The following CHAF1A variants were observed in gnomAD, a reference collection of about 807,000 sequenced individuals.
CHAF1A encodes CAF-1 subunit A.
A neutral mutation model predicts 93.2 loss-of-function variants in CHAF1A; 5 were observed. That is an observed-to-expected ratio of 0.05 (90% CI 0.03 to 0.11). CHAF1A has a LOEUF of 0.11. Ranked by LOEUF, CHAF1A falls within the 10% of genes least tolerant of loss-of-function variation. CHAF1A has a pLI of 1.00. For synonymous variants in CHAF1A, 504 were observed against 510.3 expected, an observed-to-expected ratio of 0.99 and a Z score of 0.17; for missense variants, 1,102 against 1,259.9, an observed-to-expected ratio of 0.87 and a Z score of 1.90.
At chr19:4,415,238 C>G (rs971328678) in intron 3 of CHAF1A, among the ~76,000 whole-genome samples, 3 of 152,158 alleles carry the variant, frequency 2.0e-5, no homozygotes, top group African/African-American at 4.8e-5. Flanking sequence ...TGTCAGACTT[C>G]AAGGTCCATC....
At chr19:4,437,993 G>A (rs1474225604) in intron 13 of CHAF1A, among the ~76,000 whole-genome samples, 3 of 152,002 alleles carry the variant, frequency 2.0e-5, no homozygotes, top group Non-Finnish European at 4.4e-5. Flanking sequence ...TGCCCGCCTC[G>A]GCCTCCCAAA....
intron 1 of CHAF1A, 57 bp from the exon 2 acceptor site, chr19:4,405,855 G>A: frequency 6.6e-7 from 1 of 1,514,924 alleles, no homozygotes; most frequent in Non-Finnish European, 9.2e-7. Flanking sequence ...ATATGTATTT[G>A]CTAACTTGAT....
intron 7 of CHAF1A, among the ~76,000 whole-genome samples, chr19:4,427,253 G>A (rs1416613100): frequency 2.1e-4 from 28 of 133,144 alleles, no homozygotes; most frequent in South Asian, 8.0e-4. Flanking sequence ...AGATCCAAAC[G>A]ATTCTCCTGC....
At chr19:4,446,342 A>T, downstream of CHAF1A, 1 of 1,570,346 alleles carries the variant, frequency 6.4e-7, no homozygotes, top group Non-Finnish European at 8.6e-7. Context: ...GTACTTGCGC[A>T]GCCCCCGCTG....
At chr19:4,440,800 T>G (rs1268345378) in intron 13 of CHAF1A, among the ~76,000 whole-genome samples, 1 of 151,126 alleles carries the variant, frequency 6.6e-6, no homozygotes, top group Non-Finnish European at 1.5e-5. Context: ...TGTAACCCAG[T>G]GGTATATGTG....
At chr19:4,424,537 C>T (rs780917709) in intron 7 of CHAF1A, among the ~76,000 whole-genome samples, 1 of 152,224 alleles carries the variant, frequency 6.6e-6, no homozygotes, top group Non-Finnish European at 1.5e-5. Context: ...AATCAAAGCT[C>T]ACCACAGCCT....
At chr19:4,403,804 A>C (rs1332089454) in intron 1 of CHAF1A, among the ~76,000 whole-genome samples, 1 of 152,252 alleles carries the variant, frequency 6.6e-6, no homozygotes, top group Non-Finnish European at 1.5e-5. Flanking sequence ...AAATTAATAT[A>C]AAGTTGGTAC....
Position 4,429,424 on chromosome 19 carries a change from G to T in CHAF1A, c.1605-14G>T, listed in dbSNP as rs749582957. Reference sequence around the variant, plus strand: ...AAGGCAGCGTGATCCTGAGCCTGGGGTTTTCCTTCTCAGTGATGTCGTCAT... The same window carrying T: ...AAGGCAGCGTGATCCTGAGCCTGGGTTTTTCCTTCTCAGTGATGTCGTCAT... On this transcript the variant is annotated splice_polypyrimidine_tract_variant and intron_variant, in intron 8 of 14. Transcript: ENST00000301280. The T allele has an allele frequency of 4.3e-6, 7 of 1,612,594 alleles. No homozygotes were observed. Among genetic ancestry groups the T allele is most frequent in the Non-Finnish European group, 3.4e-6 (4 of 1,179,416 alleles).
chr19:4,438,993 A>G (rs1290960057), intron 13 of CHAF1A, among the ~76,000 whole-genome samples: 1 of 151,852 alleles, frequency 6.6e-6, no homozygotes, highest in Non-Finnish European at 1.5e-5. Context: ...AAAAAAAAGC[A>G]TAGATGGCTG....
Position 4,429,482 on chromosome 19 carries a change from A to T in CHAF1A, c.1649A>T (p.Glu550Val), listed in dbSNP as rs1289675125. The T allele has an allele frequency of 1.5e-5, 24 of 1,613,886 alleles. No individual in the cohort carries two copies. Among genetic ancestry groups the T allele is most frequent in the Non-Finnish European group, 1.9e-5 (23 of 1,179,978 alleles). ...VERGKGDGVP[E>V]RRKFGRMKLL... ...CGTGGGAAGGGCGACGGTGTTCCCG[A>T]GAGGAGGAAGTTTGGCAGGATGAAG... The change falls in exon 9 of 15, where the codon GAG becomes GTG. Residue 550 changes from glutamate to valine, a missense_variant. Glu to Val is a moderately radical substitution (Grantham distance 121, BLOSUM62 -2). This residue lies in a region of CHAF1A where 335 missense variants were observed against 361.9 expected (regional missense o/e 0.93). Transcript: ENST00000301280.
Position 4,443,057 on chromosome 19 carries a change from G to T in CHAF1A, c.*32G>T. The stretch of plus-strand genomic sequence containing the variant: ...GGGTGACGTATGTAGAATGCTTAGG[G>T]TGTCCTCCCCACAGAGCAGATACTT... On this transcript the variant is annotated 3_prime_UTR_variant, in exon 15 of 15. Transcript: ENST00000301280. The T allele has an allele frequency of 2.2e-6, 3 of 1,361,590 alleles. No homozygotes were observed. The highest frequency in any genetic ancestry group is 3.1e-6 in the Non-Finnish European group (3 of 970,902). The allele number at this position is 1,361,590 out of a possible 1,614,324, so 84.3% of individuals were successfully genotyped here.
intron 4 of CHAF1A, among the ~76,000 whole-genome samples, chr19:4,420,802 A>G (rs539756371): frequency 6.6e-6 from 1 of 152,178 alleles, no homozygotes; most frequent in East Asian, 1.9e-4. Context: ...GCTGGTTGCA[A>G]TGGGTCATGC....
At chr19:4,439,057 G>T (rs1360824425) in intron 13 of CHAF1A, among the ~76,000 whole-genome samples, 2 of 151,924 alleles carry the variant, frequency 1.3e-5, no homozygotes, top group Non-Finnish European at 2.9e-5. Context: ...GAGGCAGGCG[G>T]ATCACTTGAG....
At chr19:4,439,397 G>A (rs1309914036) in intron 13 of CHAF1A, among the ~76,000 whole-genome samples, 1 of 152,190 alleles carries the variant, frequency 6.6e-6, no homozygotes, top group East Asian at 1.9e-4. Context: ...CTCCGTGTCT[G>A]TGTTTAGCAC....
intron 1 of CHAF1A, among the ~76,000 whole-genome samples, chr19:4,403,438 C>G (rs982087777): frequency 6.6e-6 from 1 of 152,244 alleles, no homozygotes; most frequent in Non-Finnish European, 1.5e-5. Flanking sequence ...CCAGACTGTC[C>G]CTCTCCCTTG....
intron 2 of CHAF1A, among the ~76,000 whole-genome samples, chr19:4,408,576 C>T (rs866610242): frequency 2.0e-5 from 3 of 146,988 alleles, no homozygotes; most frequent in Non-Finnish European, 4.5e-5. Context: ...CAGGTTCAAG[C>T]GATTCTCCTA....
At chr19:4,423,752 A>C in intron 6 of CHAF1A, 54 bp from the exon 7 acceptor site, 2 of 1,552,346 alleles carry the variant, frequency 1.3e-6, no homozygotes, top group Non-Finnish European at 1.8e-6. Context: ...GTTTTGCAAC[A>C]CATACTGTTC....
At chr19:4,444,730 CCT>C (rs1193616344), downstream of CHAF1A, 5 of 152,490 alleles carry the variant, frequency 3.3e-5, no homozygotes, top group East Asian at 7.7e-4. Flanking sequence ...CTCAGGACAC[CCT>C]GTCCCTCTGG....
chr19:4,428,389 C>G (rs1599654375), intron 7 of CHAF1A, among the ~76,000 whole-genome samples: 1 of 151,954 alleles, frequency 6.6e-6, no homozygotes, highest in East Asian at 1.9e-4. Context: ...AATGACAGGG[C>G]CAGCTAACCA....
Sources: gnomAD v4.1 joint callset for allele counts (sites outside exome capture counted in the v4.1 genomes callset) on GRCh38, gnomAD v4.1.1 for gene constraint, gnomAD v4.1.1 regional missense constraint, MANE v1.5 for transcripts, NCBI Gene and HGNC (gene_info 2026-07-23, HGNC 2026-07-21) for gene names.